Variants in CUL4A observed in about 807,000 individuals in gnomAD.
CUL4A encodes the protein cullin 4A.
A neutral mutation model predicts 95.5 loss-of-function variants in CUL4A; 16 were observed. That is an observed-to-expected ratio of 0.17 (90% CI 0.11 to 0.25). The LOEUF (loss-of-function observed/expected upper bound fraction) is 0.25. Among genes scored for constraint, CUL4A ranks in the 10% least tolerant of loss-of-function variants. The pLI, the probability that CUL4A is intolerant of heterozygous loss-of-function variation, is 1.00. For synonymous variants in CUL4A, 380 were observed against 353.1 expected, an observed-to-expected ratio of 1.08 and a Z score of -0.85; for missense variants, 610 against 937.0, an observed-to-expected ratio of 0.65 and a Z score of 4.56.
chr13:113,241,590 C>T (rs551304492), intron 10 of CUL4A, among the ~76,000 whole-genome samples: 5 of 149,994 alleles, frequency 3.3e-5, no homozygotes, highest in African/African-American at 4.9e-5. Flanking sequence ...TCTCAGCTCA[C>T]TGCAACCTCT....
intron 15 of CUL4A, among the ~76,000 whole-genome samples, chr13:113,248,019 C>T (rs903122957): frequency 1.3e-5 from 2 of 152,108 alleles, no homozygotes; most frequent in African/African-American, 2.4e-5. Context: ...AGGATCCTGG[C>T]GGGAGGTGCG....
intron 6 of CUL4A, 145 bp from the exon 7 acceptor site, chr13:113,233,752 A>G: frequency 1.6e-6 from 1 of 638,918 alleles, no homozygotes; most frequent in Non-Finnish European, 2.8e-6. Flanking sequence ...TTTGGGAAGG[A>G]CAGTGCAGCC....
Position 113,243,108 on chromosome 13 carries a change from G to A in CUL4A, c.1176G>A (p.Glu392=). 6.2e-7 allele frequency: 1 copy of A among 1,614,196 alleles called. No individual in the cohort carries two copies. The highest frequency in any genetic ancestry group is 8.5e-7 in the Non-Finnish European group (1 of 1,180,016). ...AGCGGTTCGTCAACCTGATGAAGGA[G>A]TCCTTTGAGACGTTCATCAACAAGA... is the stretch of plus-strand genomic sequence containing the variant. ...KNERFVNLMK[E]SFETFINKRP... Residue 392 remains glutamate (E), a synonymous_variant, in exon 11 of 20, where the codon GAG becomes GAA. Coordinates refer to ENST00000375440, the MANE Select transcript of CUL4A (RefSeq NM_001008895.4).
At chr13:113,225,469 A>T (rs751425992) in intron 3 of CUL4A, among the ~76,000 whole-genome samples, 3 of 152,228 alleles carry the variant, frequency 2.0e-5, no homozygotes, top group African/African-American at 4.8e-5. Flanking sequence ...TTTTAGAGGA[A>T]GTATTTCTCA....
At chr13:113,232,254 C>T (rs796826672) in intron 5 of CUL4A, among the ~76,000 whole-genome samples, 2 of 1,610 alleles carry the variant, frequency 1.2e-3, no homozygotes, top group African/African-American at 1.7e-3. Flanking sequence ...ATTACTGCTG[C>T]CACCACTACC....
intron 18 of CUL4A, among the ~76,000 whole-genome samples, chr13:113,260,160 C>CAA (rs1294993863): frequency 8.4e-6 from 1 of 118,434 alleles, no homozygotes; most frequent in East Asian, 2.6e-4. Flanking sequence ...GCCGAGATCG[C>CAA]GCCACTGCAC....
rs1443990835 is a variant in CUL4A, at chr13:113,228,451, ATTAC to A, written c.438+410_438+413del. ...CATTTTTAGTGTGACCTGGCCGTTA[ATTAC>A]TTAAGTGAGAGAACAGACCGTATTA... On this transcript the variant is annotated intron_variant, in intron 4 of 19. Coordinates refer to ENST00000375440, the MANE Select transcript of CUL4A (RefSeq NM_001008895.4). 4.6e-5 allele frequency among the ~76,000 whole-genome samples: 7 copies of A among 152,172 alleles called. No homozygotes were observed. In the East Asian group the frequency reaches 1.2e-3, roughly 25 times the overall value.
chr13:113,212,649 G>A (rs1160868719), intron 2 of CUL4A, among the ~76,000 whole-genome samples: 17 of 152,154 alleles, frequency 1.1e-4, no homozygotes, highest in Non-Finnish European at 2.4e-4. Context: ...GCCGGGCGTG[G>A]TGGCAGGCAC....
At chr13:113,261,761 G>C (rs528157560) in intron 19 of CUL4A, among the ~76,000 whole-genome samples, 1 of 50,032 alleles carries the variant, frequency 2.0e-5, no homozygotes, top group Non-Finnish European at 4.4e-5. Flanking sequence ...AGACCAGGGC[G>C]CCCGCTCTGC....
chr13:113,217,593 G>A (rs1475509688), intron 2 of CUL4A, among the ~76,000 whole-genome samples: 4 of 152,064 alleles, frequency 2.6e-5, no homozygotes, highest in African/African-American at 7.2e-5. Flanking sequence ...GCAGCTCTCC[G>A]ATATTTAGTA....
At chr13:113,224,214 G>A (rs1305165600) in intron 3 of CUL4A, among the ~76,000 whole-genome samples, 4 of 152,252 alleles carry the variant, frequency 2.6e-5, no homozygotes, top group African/African-American at 7.2e-5. Context: ...TTAGCCGGGC[G>A]TGGTGGCGGG....
intron 18 of CUL4A, among the ~76,000 whole-genome samples, chr13:113,259,352 G>T (rs961777589): frequency 6.6e-5 from 10 of 152,154 alleles, no homozygotes; most frequent in African/African-American, 2.4e-4. Flanking sequence ...AAAGCTTGGA[G>T]TCTCTCCCAT....
intron 3 of CUL4A, among the ~76,000 whole-genome samples, chr13:113,220,891 A>G (rs965401096): frequency 5.3e-5 from 8 of 152,218 alleles, no homozygotes; most frequent in African/African-American, 1.7e-4. Flanking sequence ...TCCCTGGTGC[A>G]GTGGCAAAAC....
upstream of CUL4A, chr13:113,208,281 A>C (rs977481849): frequency 1.6e-5 from 23 of 1,435,832 alleles, no homozygotes; most frequent in African/African-American, 3.1e-4. Flanking sequence ...GGCCCTTCGG[A>C]CCGCCTGGGA....
At chr13:113,217,849 T>G (rs1203339961) in intron 2 of CUL4A, among the ~76,000 whole-genome samples, 1 of 152,230 alleles carries the variant, frequency 6.6e-6, no homozygotes. Context: ...GTACCTAAGA[T>G]TGGAAAGGAA....
chr13:113,216,611 T>A (rs2040701948), intron 2 of CUL4A, among the ~76,000 whole-genome samples: 1 of 152,260 alleles, frequency 6.6e-6, no homozygotes, highest in Non-Finnish European at 1.5e-5. Context: ...GCTAATGGCC[T>A]GAGTGCACCA....
In CUL4A at chr13:113,233,190, G is replaced by A. The variant is rs1277693835; in HGVS notation, c.526G>A (p.Glu176Lys). 1.2e-6 allele frequency: 2 copies of A among 1,614,012 alleles called. No individual in the cohort carries two copies. The highest frequency in any genetic ancestry group is 1.7e-5 in the Admixed American group (1 of 60,024). Residue 176 changes from glutamate (E) to lysine (K), a missense_variant, in exon 6 of 20, where the codon GAA becomes AAA. Around this residue, in one of 10 missense-constraint regions of CUL4A, gnomAD observed 97 missense variants for 100.3 expected, o/e 0.97. Transcript: ENST00000375440. ...CTGTCTATACAGGGATATGGGATTA[G>A]AACTGTTTAGAACCCATATTATTAG... is the stretch of plus-strand genomic sequence containing the variant. ...TLPSIWDMGL[E>K]LFRTHIISDK... is the part of the protein sequence containing the mutation.
At chr13:113,225,166 T>C (rs989871173) in intron 3 of CUL4A, among the ~76,000 whole-genome samples, 2 of 152,214 alleles carry the variant, frequency 1.3e-5, no homozygotes, top group Admixed American at 1.3e-4. Flanking sequence ...AATCGTTTAA[T>C]GAAGATTGGC....
chr13:113,229,870 T>C (rs1472111062), intron 5 of CUL4A: 2 of 466,218 alleles, frequency 4.3e-6, no homozygotes, highest in African/African-American at 4.0e-5. Flanking sequence ...CTGCTGCCCG[T>C]GGGGTCGCAG....
Sources: gnomAD v4.1 joint callset for allele counts (sites outside exome capture counted in the v4.1 genomes callset) on GRCh38, gnomAD v4.1.1 for gene constraint, gnomAD v4.1.1 regional missense constraint, MANE v1.5 for transcripts, NCBI Gene and HGNC (gene_info 2026-07-23, HGNC 2026-07-21) for gene names.